Variants in RBFOX3 observed in about 807,000 individuals in gnomAD.
The protein encoded by RBFOX3 is RNA binding protein fox-1 homolog 3.
Under a neutral mutation model 48.7 loss-of-function variants are expected in RBFOX3, and 17 were observed. That is an observed-to-expected ratio of 0.35 (90% CI 0.24 to 0.52). The LOEUF (loss-of-function observed/expected upper bound fraction) is 0.52. RBFOX3 is among the 20% of genes least tolerant of loss of function. The pLI is 0.94. For synonymous variants in RBFOX3, 212 were observed against 209.5 expected (o/e 1.01, Z -0.10); for missense variants, 382 against 497.5 (o/e 0.77, Z 2.21).
At chr17:79,516,447 G>C (rs1465140286) in intron 1 of RBFOX3, among the ~76,000 whole-genome samples, 1 of 152,212 alleles carries the variant, frequency 6.6e-6, no homozygotes, top group African/African-American at 2.4e-5. Context: ...CCCCATGTAG[G>C]ATTAAATGAG....
chr17:79,406,335 G>T (rs2148500965), intron 2 of RBFOX3, among the ~76,000 whole-genome samples: 1 of 152,294 alleles, frequency 6.6e-6, no homozygotes, highest in East Asian at 1.9e-4. Context: ...CTCACCCGTG[G>T]CTCCCGCTGG....
At chr17:79,528,887 T>C (rs1219895976) in intron 1 of RBFOX3, among the ~76,000 whole-genome samples, 1 of 152,174 alleles carries the variant, frequency 6.6e-6, no homozygotes, top group East Asian at 1.9e-4. Context: ...GGTGCTGTTG[T>C]GACTGGGACA....
At chr17:79,158,315 C>T (rs890986862) in intron 4 of RBFOX3, among the ~76,000 whole-genome samples, 1 of 152,158 alleles carries the variant, frequency 6.6e-6, no homozygotes, top group Non-Finnish European at 1.5e-5. Flanking sequence ...ACTTACTAGT[C>T]GGCTGGCCCT....
intron 4 of RBFOX3, among the ~76,000 whole-genome samples, chr17:79,178,958 C>T (rs2051232578): frequency 6.6e-6 from 1 of 152,174 alleles, no homozygotes; most frequent in Non-Finnish European, 1.5e-5. Context: ...TGTTCAGTGC[C>T]CTCCTCCCTC....
At chr17:79,293,503 A>C (rs113506869) in intron 3 of RBFOX3, among the ~76,000 whole-genome samples, 29,838 of 146,292 alleles carry the variant, frequency 0.2, 3,612 homozygotes, top group African/African-American at 0.33. Context: ...CCCAGGCTGG[A>C]GTGCAGTGGC....
At chr17:79,319,144 C>A (rs1333277491) in intron 2 of RBFOX3, among the ~76,000 whole-genome samples, 1 of 152,136 alleles carries the variant, frequency 6.6e-6, no homozygotes, top group African/African-American at 2.4e-5. Context: ...AAGCGGATTT[C>A]ATTATAGTCA....
intron 1 of RBFOX3, among the ~76,000 whole-genome samples, chr17:79,589,149 C>T (rs2093345203): frequency 1.3e-5 from 2 of 152,244 alleles, no homozygotes; most frequent in Admixed American, 1.3e-4. Context: ...GGCATTAGAG[C>T]TGGGGCTACC....
Position 79,477,490 on chromosome 17 carries a change from A to G in RBFOX3, c.-175+4964T>C, listed in dbSNP as rs2078071676. On this transcript the variant is annotated intron_variant, in intron 2 of 14. Coordinates refer to ENST00000693108, the MANE Select transcript of RBFOX3 (RefSeq NM_001350451.2). This position sits in a 1 kb window ranked among gnomAD's most constrained non-coding sequence, Gnocchi z 4.8. ...AGAATGGCGTGAACCCGGGAGGCGG[A>G]GTTTGCAGTGAGCTGAGATCGCCCC... Among the ~76,000 whole-genome samples the G allele has an allele frequency of 6.6e-6, 1 of 151,572 alleles. No individual in the cohort carries two copies. Among genetic ancestry groups the G allele is most frequent in the African/African-American group, 2.4e-5 (1 of 41,194 alleles).
intron 2 of RBFOX3, among the ~76,000 whole-genome samples, chr17:79,358,331 G>T (rs2085612411): frequency 1.3e-5 from 2 of 152,184 alleles, no homozygotes; most frequent in African/African-American, 4.8e-5. Context: ...CCCCTCCCCA[G>T]CACTGGCGAG....
chr17:79,221,200 G>A (rs2059687775), intron 4 of RBFOX3, among the ~76,000 whole-genome samples: 1 of 152,268 alleles, frequency 6.6e-6, no homozygotes, highest in African/African-American at 2.4e-5. Flanking sequence ...CCCATGGGCT[G>A]TATACAGCCA....
chr17:79,278,739 T>C, intron 3 of RBFOX3, among the ~76,000 whole-genome samples: 1 of 152,240 alleles, frequency 6.6e-6, no homozygotes, highest in African/African-American at 2.4e-5. Flanking sequence ...AGGACGAAGA[T>C]GCATCCACAT....
At chr17:79,250,959 C>G (rs1425819770) in intron 3 of RBFOX3, among the ~76,000 whole-genome samples, 3 of 152,040 alleles carry the variant, frequency 2.0e-5, no homozygotes, top group Admixed American at 6.6e-5. Flanking sequence ...CATGTACGTG[C>G]CACCAAGCCC....
At chr17:79,665,077 A>C in the RBFOX3 span, among the ~76,000 whole-genome samples, 1 of 152,128 alleles carries the variant, frequency 6.6e-6, no homozygotes, top group Non-Finnish European at 1.5e-5. Context: ...CGGCATTCAG[A>C]TTCAGATATT....
chr17:79,405,681 G>A (rs563843842), intron 2 of RBFOX3, among the ~76,000 whole-genome samples: 6 of 152,244 alleles, frequency 3.9e-5, no homozygotes, highest in African/African-American at 7.2e-5. Context: ...AGATCATACC[G>A]CTGCTCTCCA....
chr17:79,467,505 C>T (rs1022615551), intron 2 of RBFOX3, among the ~76,000 whole-genome samples: 1 of 152,148 alleles, frequency 6.6e-6, no homozygotes, highest in African/African-American at 2.4e-5. Context: ...CCTGATGTCC[C>T]GGGGGCATGT....
intron 4 of RBFOX3, among the ~76,000 whole-genome samples, chr17:79,172,663 T>C (rs1310787361): frequency 2.0e-5 from 3 of 152,212 alleles, no homozygotes; most frequent in African/African-American, 7.2e-5. Context: ...AAAAGAATGT[T>C]CTAGATCGGC....
chr17:79,537,467 T>G (rs116630417), intron 1 of RBFOX3, among the ~76,000 whole-genome samples: 1,857 of 152,290 alleles, frequency 0.012, 29 homozygotes, highest in African/African-American at 0.042. Flanking sequence ...GGTTAGGATT[T>G]GGACCTGAGG....
the RBFOX3 span, among the ~76,000 whole-genome samples, chr17:79,662,143 T>TTTTTTTTTTTTTGG: frequency 6.9e-6 from 1 of 144,828 alleles, no homozygotes. Flanking sequence ...TTTTTTTTTT[T>TTTTTTTTTTTTTGG]GAGTCGGAGT....
chr17:79,214,720 C>T lies in RBFOX3; in HGVS notation c.-34+21046G>A, dbSNP rs1043432082. ...AAGCCCAGGAGGGGAGGCTGGAGGC[C>T]CAGGGGCCCCCAGCTACTAGACGGC... On this transcript the variant is annotated intron_variant, in intron 4 of 14. Coordinates refer to ENST00000693108, the MANE Select transcript of RBFOX3 (RefSeq NM_001350451.2). This position sits in a 1 kb window ranked among gnomAD's most constrained non-coding sequence, Gnocchi z 4.7. 6.6e-6 allele frequency among the ~76,000 whole-genome samples: 1 copy of T among 151,844 alleles called. No homozygotes were observed. The highest frequency in any genetic ancestry group is 1.5e-5 in the Non-Finnish European group (1 of 67,910).
Sources: allele counts gnomAD v4.1 joint callset (sites outside exome capture counted in the v4.1 genomes callset), GRCh38; gene constraint gnomAD v4.1.1; non-coding constraint Gnocchi (gnomAD v3.1); transcripts MANE v1.5; gene names NCBI Gene and HGNC (gene_info 2026-07-23, HGNC 2026-07-21).